CDC42BPG: variants seen among roughly 807,000 people sequenced by gnomAD.
The protein encoded by CDC42BPG is CDC42 binding protein kinase gamma.
CDC42BPG carries 157 observed loss-of-function variants against 192.2 expected under a neutral mutation model. The observed-to-expected ratio is 0.82, with a 90% CI of 0.72 to 0.93. The LOEUF is 0.93. CDC42BPG is among the 40% of genes least tolerant of loss of function. The pLI is 0.00. For synonymous variants in CDC42BPG, 981 were observed against 918.5 expected, an observed-to-expected ratio of 1.07 and a Z score of -1.23; for missense variants, 1,992 against 2,122.1, an observed-to-expected ratio of 0.94 and a Z score of 1.20.
intron 4 of CDC42BPG, 129 bp from the exon 5 acceptor site, chr11:64,840,397 G>A (rs1423423465): frequency 1.3e-5 from 18 of 1,432,886 alleles, no homozygotes; most frequent in Non-Finnish European, 1.0e-5. Flanking sequence ...TTCCCAGCCA[G>A]GGCTCAGGCA....
intron 20 of CDC42BPG, 45 bp from the exon 21 acceptor site, chr11:64,834,022 G>A (rs952740031): frequency 1.2e-6 from 2 of 1,612,950 alleles, no homozygotes; most frequent in East Asian, 2.2e-5. Context: ...CCTGGCCTGA[G>A]GAACTAGGGT....
At chr11:64,836,717 G>GGGGGC in intron 11 of CDC42BPG, 22 bp downstream of exon 11, 11 of 858,748 alleles carry the variant, frequency 1.3e-5, no homozygotes, top group Non-Finnish European at 1.9e-5. Context: ...GGGGGGGGGG[G>GGGGGC]GGGGGTGGGC....
At chr11:64,843,078 C>G (rs1273580112) in intron 1 of CDC42BPG, among the ~76,000 whole-genome samples, 2 of 152,116 alleles carry the variant, frequency 1.3e-5, no homozygotes, top group South Asian at 4.1e-4. Flanking sequence ...CAGAAGAGGG[C>G]CGAAGCCCAG....
chr11:64,835,017 T>TTGC, intron 17 of CDC42BPG, 30 bp downstream of exon 17: 162 of 1,570,988 alleles, frequency 1.0e-4, no homozygotes, highest in Non-Finnish European at 1.3e-4. Context: ...TCGCCTGCGT[T>TTGC]CCCCACCCCG....
Position 64,836,248 on chromosome 11 carries a change from A to G in CDC42BPG, c.1537T>C (p.Cys513Arg), listed in dbSNP as rs750854439. The G allele has an allele frequency of 2.5e-6, 4 of 1,601,946 alleles. No homozygotes were observed. The South Asian group carries it at 3.3e-5, about 13-fold the overall frequency. The change falls in exon 13 of 37, where the codon TGC becomes CGC. Residue 513 changes from cysteine to arginine, a missense_variant. Transcript: ENST00000342711. Reference protein sequence around the residue: ...AGLQAQEQELCRAQGQQEELL... With the variant: ...AGLQAQEQELRRAQGQQEELL... The stretch of plus-strand genomic sequence containing the variant: ...TCCTCCTGCTGCCCCTGGGCCCTGC[A>G]GAGCTCCTGCTCCTGAGCCTGCAGC...
chr11:64,830,331 C>T, intron 28 of CDC42BPG, 75 bp from the exon 29 acceptor site: 1 of 1,218,770 alleles, frequency 8.2e-7, no homozygotes, highest in Non-Finnish European at 1.2e-6. Flanking sequence ...TCCACCTGCC[C>T]TGCTGTGCCT....
Position 64,841,664 on chromosome 11 carries a change from G to C in CDC42BPG, c.322C>G (p.Leu108Val). ...AMKMLHKWEM[L>V]KRAETACFRE... is the part of the protein sequence containing the mutation. ...TCCACACTGACCTCAGCCCTCTTCA[G>C]CATCTCCCACTTGTGCAGCATTTTC... The change falls in exon 3 of 37, where the codon CTG becomes GTG. Residue 108 changes from leucine to valine, a missense_variant. Transcript: ENST00000342711. 6.2e-7 allele frequency: 1 copy of C among 1,612,780 alleles called. No individual in the cohort carries two copies. The highest frequency in any genetic ancestry group is 8.5e-7 in the Non-Finnish European group (1 of 1,179,778).
At chr11:64,837,817 C>T (rs1295398189) in intron 9 of CDC42BPG, among the ~76,000 whole-genome samples, 1 of 152,216 alleles carries the variant, frequency 6.6e-6, no homozygotes, top group Non-Finnish European at 1.5e-5. Context: ...TAGGGGCCTT[C>T]GAACCCTGCA....
chr11:64,833,283 G>C lies in CDC42BPG; in HGVS notation c.2679C>G (p.Leu893=). The change falls in exon 24 of 37, where the codon CTC becomes CTG. Residue 893 remains leucine, a synonymous_variant. Transcript: ENST00000342711. ...PRSFPSPTKC[L]RCTSLMLGLG... is the part of the protein sequence containing the mutation. ...GGCCCAGCATCAGCGAGGTGCAGCG[G>C]AGACACTTGGTCGGGGATGGGAAGC... 1 of 1,547,052 alleles carries C rather than the reference G, an allele frequency of 6.5e-7. No individual in the cohort carries two copies. Among genetic ancestry groups the C allele is most frequent in the Non-Finnish European group, 8.7e-7 (1 of 1,145,994 alleles).
chr11:64,835,281 C>T, intron 16 of CDC42BPG, 66 bp downstream of exon 16: 1 of 1,610,980 alleles, frequency 6.2e-7, no homozygotes, highest in Non-Finnish European at 8.5e-7. Context: ...AGCTTGCCCA[C>T]CCCTCAACTG....
At chr11:64,826,925 A>T in intron 34 of CDC42BPG, 125 bp downstream of exon 34, 1 of 1,171,138 alleles carries the variant, frequency 8.5e-7, no homozygotes, top group Non-Finnish European at 1.2e-6. Flanking sequence ...CCCAGGTAGC[A>T]GAAGTGTGAG....
chr11:64,834,766 G>A, intron 18 of CDC42BPG, 83 bp downstream of exon 18: 1 of 1,412,112 alleles, frequency 7.1e-7, no homozygotes. Flanking sequence ...CTCCAGTAGT[G>A]ACCTTCAGTA....
rs757332832 is a variant in CDC42BPG at position 64,840,122 on chromosome 11, G to A, written c.579C>T (p.His193=). The A allele has an allele frequency of 5.6e-6, 9 of 1,611,728 alleles. No individual in the cohort carries two copies. Among genetic ancestry groups the A allele is most frequent in the Non-Finnish European group, 7.6e-6 (9 of 1,179,308 alleles). ...GGGCAGCGGGGTTGGGGCCCCACCTGTGGACATAACCCAGCTGGTGCAGCG... is the reference window on the plus strand; with the variant it reads ...GGGCAGCGGGGTTGGGGCCCCACCTATGGACATAACCCAGCTGGTGCAGCG... The part of the protein sequence containing the change: ...IHSLHQLGYV[H]RDVKPDNVLL... Residue 193 remains histidine (H), a splice_region_variant and synonymous_variant, in exon 5 of 37, where the codon CAC becomes CAT. Transcript: ENST00000342711.
At chr11:64,839,741 G>A (rs563928059) in intron 5 of CDC42BPG, among the ~76,000 whole-genome samples, 170 bp from the exon 6 acceptor site, 11 of 152,244 alleles carry the variant, frequency 7.2e-5, no homozygotes, top group Admixed American at 2.6e-4. Flanking sequence ...TGATCCCACA[G>A]GCCAGAAGGA....
At position 64,835,676 on chromosome 11, in the gene CDC42BPG, C is replaced by T; in HGVS notation, c.1759-55G>A. On this transcript the variant is annotated intron_variant, in intron 14 of 36. Transcript: ENST00000342711. ...GACCCAAGATGCCATGGCCCACCCA[C>T]CTGGGACACAGGCCTGGCCCTGAGG... 8 of 1,591,492 alleles carry T rather than the reference C, an allele frequency of 5.0e-6. No homozygotes were observed. In the Admixed American group the frequency reaches 6.8e-5, roughly 14 times the overall value.
In CDC42BPG at chr11:64,832,654, G is replaced by A. The variant is rs565165072; in HGVS notation, c.2955C>T (p.Asp985=). Residue 985 remains aspartate, a synonymous_variant, in exon 26 of 37, where the codon GAC becomes GAT. Coordinates refer to ENST00000342711, the MANE Select transcript of CDC42BPG (RefSeq NM_017525.3). The part of the protein sequence containing the change: ...DSRLLLFDAP[D]LRLSPPSGAL... ...CCCCACTGGGCGGGCTGAGCCTCAG[G>A]TCAGGGGCGTCAAACAGCAGCAGGC... 7 of 1,613,738 alleles carry A rather than the reference G, an allele frequency of 4.3e-6. No individual in the cohort carries two copies. In the East Asian group the frequency reaches 6.7e-5, roughly 15 times the overall value.
Position 64,841,870 on chromosome 11 carries a change from A to G in CDC42BPG, c.195T>C (p.Arg65=). ...AGATCTCAAAGTCATCTCTCTGCAG[A>G]CGCAGTTCTTTCACCTTTGATACGA... The part of the protein sequence containing the change: ...SPFVSKVKEL[R]LQRDDFEILK... The change falls in exon 2 of 37, where the codon CGT becomes CGC. Residue 65 remains arginine, a synonymous_variant. Transcript: ENST00000342711. The G allele has an allele frequency of 6.2e-7, 1 of 1,613,646 alleles. No homozygotes were observed. Among genetic ancestry groups the G allele is most frequent in the Non-Finnish European group, 8.5e-7 (1 of 1,179,852 alleles).
Position 64,833,270 on chromosome 11 carries a change from G to A in CDC42BPG, c.2692C>T (p.Leu898=), listed in dbSNP as rs1306783901. 6.5e-7 allele frequency: 1 copy of A among 1,548,504 alleles called. No homozygotes were observed. The highest frequency in any genetic ancestry group is 2.4e-5 in the East Asian group (1 of 40,884). Residue 898 remains leucine (L), a synonymous_variant, in exon 24 of 37, where the codon CTG becomes TTG. Transcript: ENST00000342711. ...CCCTGGCGGCCCAGGCCCAGCATCA[G>A]CGAGGTGCAGCGGAGACACTTGGTC... The part of the protein sequence containing the change: ...SPTKCLRCTS[L]MLGLGRQGLG...
rs1296757365 is a variant in CDC42BPG at position 64,844,448 on chromosome 11, A to AG, written c.121dup (p.Leu41ProfsTer30). 3 of 1,472,092 alleles carry AG rather than the reference A, an allele frequency of 2.0e-6. No homozygotes were observed. The highest frequency in any genetic ancestry group is 2.7e-6 in the Non-Finnish European group (3 of 1,117,544). 91.2% of individuals were successfully genotyped at this position (1,472,092 alleles called of 1,614,324 possible). On this transcript the variant is annotated frameshift_variant, in exon 1 of 37. Transcript: ENST00000342711. LOFTEE classifies it high-confidence loss of function. The stretch of plus-strand genomic sequence containing the variant: ...CTGCGCCACGCTGCGCTCCCGCCGT[A>AG]GGGGGCCGCTGCTGAGCTCGTGGTG...
Sources: gnomAD v4.1 joint callset for allele counts (sites outside exome capture counted in the v4.1 genomes callset) on GRCh38, gnomAD v4.1.1 for gene constraint, MANE v1.5 for transcripts, NCBI Gene and HGNC (gene_info 2026-07-23, HGNC 2026-07-21) for gene names.